BABAM2: variants seen among roughly 807,000 people sequenced by gnomAD.
The protein encoded by BABAM2 is BRISC and BRCA1-A complex member 2.
Under a neutral mutation model 54.7 loss-of-function variants are expected in BABAM2, and 31 were observed. The ratio of observed to expected loss-of-function variants is 0.57; its 90% CI spans 0.43 to 0.77. BABAM2 has a LOEUF of 0.77. Among genes scored for constraint, BABAM2 ranks in the 30% least tolerant of loss-of-function variants. The pLI, the probability that BABAM2 is intolerant of heterozygous loss-of-function variation, is 0.00. For missense variants in BABAM2, 364 were observed against 455.8 expected, an observed-to-expected ratio of 0.80 and a Z score of 1.83; for synonymous variants, 167 against 162.9, an observed-to-expected ratio of 1.03 and a Z score of -0.19.
intron 10 of BABAM2, among the ~76,000 whole-genome samples, chr2:28,277,472 T>G (rs1685976927): frequency 1.3e-5 from 2 of 152,184 alleles, no homozygotes. Flanking sequence ...AATAGATTAT[T>G]CATAACCAAC....
rs1689688440 is a variant in BABAM2 at position 28,317,790 on chromosome 2, A to C, written c.1088+19299A>C. Among the ~76,000 whole-genome samples, 3 of 152,340 alleles carry C rather than the reference A, an allele frequency of 2.0e-5. 1 individual carries two copies. In the South Asian group the frequency reaches 6.2e-4, roughly 32 times the overall value. ...CTCATATTGTTCACAGACAAGTGCCAGTGGCTTTCCAGTTCCTGTTTCTCC... is the reference window on the plus strand; with the variant it reads ...CTCATATTGTTCACAGACAAGTGCCCGTGGCTTTCCAGTTCCTGTTTCTCC... On this transcript the variant is annotated intron_variant, in intron 11 of 11. Transcript: ENST00000379624.
chr2:27,978,722 C>T (rs938411128), intron 3 of BABAM2, among the ~76,000 whole-genome samples: 5 of 152,038 alleles, frequency 3.3e-5, no homozygotes, highest in Non-Finnish European at 7.4e-5. Flanking sequence ...GTTTGGTGTA[C>T]AAAAGATTTA....
chr2:28,264,117 C>G (rs922278810), intron 10 of BABAM2, among the ~76,000 whole-genome samples: 5 of 152,174 alleles, frequency 3.3e-5, no homozygotes, highest in Non-Finnish European at 1.5e-5. Flanking sequence ...TAGTTCCATA[C>G]TAGTCTTTCC....
chr2:28,248,546 C>A (rs917002919), intron 10 of BABAM2, among the ~76,000 whole-genome samples: 2 of 151,962 alleles, frequency 1.3e-5, no homozygotes, highest in Non-Finnish European at 2.9e-5. Flanking sequence ...GGCAAGAGAA[C>A]CAGATAGCAA....
chr2:28,028,735 A>G (rs759451668), intron 5 of BABAM2, among the ~76,000 whole-genome samples: 2 of 151,216 alleles, frequency 1.3e-5, no homozygotes, highest in Non-Finnish European at 3.0e-5. Flanking sequence ...GCTAAATAAC[A>G]CTCCGGCTTT....
chr2:28,062,271 A>C (rs570965210), intron 6 of BABAM2, among the ~76,000 whole-genome samples: 3 of 151,300 alleles, frequency 2.0e-5, no homozygotes, highest in South Asian at 2.1e-4. Context: ...AAAAAAAAAA[A>C]AACAAAAAAC....
chr2:28,199,612 TG>T (rs1332467158), intron 7 of BABAM2, among the ~76,000 whole-genome samples: 1 of 152,162 alleles, frequency 6.6e-6, no homozygotes, highest in African/African-American at 2.4e-5. Flanking sequence ...TAGGCACTAG[TG>T]TCCTAAGCTA....
chr2:27,898,414 T>A (rs1665512639), intron 2 of BABAM2, among the ~76,000 whole-genome samples: 1 of 152,174 alleles, frequency 6.6e-6, no homozygotes, highest in Admixed American at 6.5e-5. Flanking sequence ...CCATTGATAG[T>A]CTTAAGTCTG....
intron 2 of BABAM2, among the ~76,000 whole-genome samples, chr2:27,905,210 A>C (rs1666102171): frequency 6.6e-6 from 1 of 152,226 alleles, no homozygotes; most frequent in South Asian, 2.1e-4. Context: ...GAAATAAAAT[A>C]AAGCAAGATT....
chr2:28,007,527 A>C (rs552440722), intron 4 of BABAM2, among the ~76,000 whole-genome samples: 1 of 152,170 alleles, frequency 6.6e-6, no homozygotes, highest in Non-Finnish European at 1.5e-5. Context: ...TCCAAGATTA[A>C]AAGAATTAGC....
intron 2 of BABAM2, among the ~76,000 whole-genome samples, chr2:27,920,870 A>G (rs1667296304): frequency 6.6e-6 from 1 of 152,216 alleles, no homozygotes. Context: ...TAGCCCTATT[A>G]AGCCAGAAAG....
intron 7 of BABAM2, among the ~76,000 whole-genome samples, chr2:28,211,153 G>A (rs751171823): frequency 6.6e-6 from 1 of 152,058 alleles, no homozygotes; most frequent in African/African-American, 2.4e-5. Flanking sequence ...TCCTGATTTC[G>A]CATTGGTTCC....
intron 6 of BABAM2, among the ~76,000 whole-genome samples, chr2:28,049,269 G>A (rs1677825277): frequency 6.6e-6 from 1 of 152,162 alleles, no homozygotes; most frequent in Non-Finnish European, 1.5e-5. Flanking sequence ...TTATCCCACT[G>A]AACTGGAGGG....
At chr2:28,286,808 CTG>C (rs1686858371) in intron 10 of BABAM2, among the ~76,000 whole-genome samples, 1 of 152,166 alleles carries the variant, frequency 6.6e-6, no homozygotes, top group South Asian at 2.1e-4. Context: ...CATGCTGACA[CTG>C]TGGGGAGGAG....
intron 7 of BABAM2, among the ~76,000 whole-genome samples, chr2:28,165,139 T>C (rs1673509905): frequency 6.6e-6 from 1 of 152,216 alleles, no homozygotes; most frequent in South Asian, 2.1e-4. Context: ...GAATTGCCAG[T>C]GTACTGCGGG....
chr2:28,258,356 T>C (rs1002006844), intron 10 of BABAM2, among the ~76,000 whole-genome samples: 1 of 152,194 alleles, frequency 6.6e-6, no homozygotes, highest in African/African-American at 2.4e-5. Flanking sequence ...ACTGCCATAC[T>C]ATTTTCCAAA....
chr2:28,011,641 TCA>T (rs755636713), intron 4 of BABAM2, among the ~76,000 whole-genome samples: 40 of 152,286 alleles, frequency 2.6e-4, no homozygotes, highest in South Asian at 6.2e-4. Context: ...ACTAGGGAAG[TCA>T]TCTAGGGCAG....
intron 10 of BABAM2, among the ~76,000 whole-genome samples, chr2:28,294,379 CAAA>C (rs113383946): frequency 3.2e-5 from 3 of 93,044 alleles, no homozygotes; most frequent in African/African-American, 4.0e-5. Context: ...GACTCCATCT[CAAA>C]AAAAAAAAAA....
At chr2:28,071,818 T>G (rs1664168930) in intron 6 of BABAM2, among the ~76,000 whole-genome samples, 2 of 152,196 alleles carry the variant, frequency 1.3e-5, no homozygotes, top group African/African-American at 4.8e-5. Context: ...TTTAAATATA[T>G]TTGGGTTTCA....
Sources: gnomAD v4.1 joint callset for allele counts (sites outside exome capture counted in the v4.1 genomes callset) on GRCh38, gnomAD v4.1.1 for gene constraint, MANE v1.5 for transcripts, NCBI Gene and HGNC (gene_info 2026-07-23, HGNC 2026-07-21) for gene names.